The following RFX3 variants were observed in gnomAD, a reference collection of about 807,000 sequenced individuals.
RFX3 encodes the protein regulatory factor X3.
A neutral mutation model predicts 98.6 loss-of-function variants in RFX3; 14 were observed. That is an observed-to-expected ratio of 0.14 (90% CI 0.09 to 0.22). The LOEUF (loss-of-function observed/expected upper bound fraction) is 0.22, where lower values mean the gene tolerates loss of function less well. Among genes scored for constraint, RFX3 ranks in the 10% least tolerant of loss-of-function variants. The pLI is 1.00. For synonymous variants in RFX3, 383 were observed against 328.4 expected, an observed-to-expected ratio of 1.17 and a Z score of -1.80; for missense variants, 639 against 926.9, an observed-to-expected ratio of 0.69 and a Z score of 4.03.
intron 1 of RFX3, among the ~76,000 whole-genome samples, chr9:3,425,863 A>G (rs1843967650): frequency 6.6e-6 from 1 of 152,186 alleles, no homozygotes; most frequent in Non-Finnish European, 1.5e-5. Flanking sequence ...ATCAGATTGA[A>G]TAAATTTCAC....
intron 1 of RFX3, chr9:3,420,796 A>T: frequency 5.1e-6 from 5 of 985,184 alleles, no homozygotes; most frequent in Non-Finnish European, 6.0e-6. Flanking sequence ...ACCTCCATTC[A>T]TTCCTGGTTC....
At chr9:3,366,682 C>G (rs7853199) in intron 2 of RFX3, among the ~76,000 whole-genome samples, 1 of 69,970 alleles carries the variant, frequency 1.4e-5, no homozygotes, top group Admixed American at 1.4e-4. Flanking sequence ...CTCTTTCTTT[C>G]TTCTTTCTTT....
chr9:3,405,887 G>C (rs929695563), intron 1 of RFX3, among the ~76,000 whole-genome samples: 5 of 152,044 alleles, frequency 3.3e-5, no homozygotes, highest in Non-Finnish European at 7.4e-5. Context: ...GTCTCCCCAA[G>C]TTTATATACA....
chr9:3,237,504 G>C (rs895122770), intron 15 of RFX3, among the ~76,000 whole-genome samples: 2 of 152,104 alleles, frequency 1.3e-5, no homozygotes, highest in African/African-American at 2.4e-5. Context: ...AGTCAATGCA[G>C]AATTGGTATT....
At chr9:3,496,865 G>A (rs1851140939) in intron 1 of RFX3, among the ~76,000 whole-genome samples, 1 of 151,958 alleles carries the variant, frequency 6.6e-6, no homozygotes, top group South Asian at 2.1e-4. Context: ...GTAAGTTAAA[G>A]ATACTTGTGT....
At chr9:3,270,923 C>G in intron 10 of RFX3, 80 bp downstream of exon 10, 1 of 1,596,008 alleles carries the variant, frequency 6.3e-7, no homozygotes, top group Admixed American at 1.7e-5. Context: ...AGGTTCACAA[C>G]TGGTATACAT....
At chr9:3,503,762 A>G (rs901624061) in intron 1 of RFX3, among the ~76,000 whole-genome samples, 10 of 152,122 alleles carry the variant, frequency 6.6e-5, no homozygotes, top group Non-Finnish European at 1.0e-4. Flanking sequence ...AAAGATGACT[A>G]GATGATAGCT....
chr9:3,263,866 C>T (rs1268220511), intron 12 of RFX3, among the ~76,000 whole-genome samples: 2 of 152,134 alleles, frequency 1.3e-5, no homozygotes, highest in South Asian at 2.1e-4. Flanking sequence ...GAAGAAAGAG[C>T]GGTTACCAGG....
intron 1 of RFX3, among the ~76,000 whole-genome samples, chr9:3,523,354 C>T (rs1818910684): frequency 6.6e-6 from 1 of 152,092 alleles, no homozygotes; most frequent in African/African-American, 2.4e-5. Flanking sequence ...AGTATCTATC[C>T]TTGTGTTTAA....
intron 4 of RFX3, among the ~76,000 whole-genome samples, chr9:3,318,210 A>G (rs1830854705): frequency 6.6e-6 from 1 of 152,212 alleles, no homozygotes; most frequent in African/African-American, 2.4e-5. Flanking sequence ...GGATGAGTTC[A>G]TGTCCTTTGT....
At chr9:3,507,987 T>C (rs1048956391) in intron 1 of RFX3, among the ~76,000 whole-genome samples, 4 of 151,894 alleles carry the variant, frequency 2.6e-5, no homozygotes, top group Non-Finnish European at 5.9e-5. Flanking sequence ...CTGTGGTTGT[T>C]CTGTGGGACA....
At chr9:3,521,229 T>A (rs1157354987) in intron 1 of RFX3, among the ~76,000 whole-genome samples, 1 of 152,162 alleles carries the variant, frequency 6.6e-6, no homozygotes, top group Non-Finnish European at 1.5e-5. Context: ...AAGATTAAAA[T>A]ATCTACATAA....
intron 3 of RFX3, among the ~76,000 whole-genome samples, chr9:3,331,568 CTT>C (rs1048422743): frequency 5.0e-4 from 76 of 152,176 alleles, no homozygotes; most frequent in African/African-American, 1.8e-3. Flanking sequence ...TCAGATCTGT[CTT>C]ATATATATCT....
At chr9:3,260,352 C>G (rs1822709175) in intron 13 of RFX3, among the ~76,000 whole-genome samples, 1 of 151,904 alleles carries the variant, frequency 6.6e-6, no homozygotes, top group Admixed American at 6.6e-5. Context: ...AGACATATCA[C>G]TGATCATTAA....
rs1336753152 is a variant in RFX3, at chr9:3,221,544, A to C, written c.*3498T>G. 1 of 152,194 alleles carries C rather than the reference A, an allele frequency of 6.6e-6. No homozygotes were observed. The highest frequency in any genetic ancestry group is 1.5e-5 in the Non-Finnish European group (1 of 68,016). The allele number at this position is 152,194 out of a possible 1,614,324, so 9.4% of individuals were successfully genotyped here. A position where few individuals can be genotyped will look rare whatever the true frequency, so the allele number is the denominator to read the frequency against. ...AACCGTGCTATACAGTACAAGAAAA[A>C]TCACACAAAGGAAAGCAGATTTCTG... On this transcript the variant is annotated 3_prime_UTR_variant, in exon 17 of 17. Coordinates refer to ENST00000617270, the MANE Select transcript of RFX3 (RefSeq NM_001282116.2).
chr9:3,288,157 T>C lies in RFX3; in HGVS notation c.825A>G (p.Arg275=). Residue 275 remains arginine, a synonymous_variant, in exon 7 of 17, where the codon AGA becomes AGG. Transcript: ENST00000617270. ...TTTGTTTCTGTTGCATGGGTTGTTGTCTCATAGCCATATACTGCATGTCTT... is the reference window on the plus strand; with the variant it reads ...TTTGTTTCTGTTGCATGGGTTGTTGCCTCATAGCCATATACTGCATGTCTT... The part of the protein sequence containing the change: ...LQEDMQYMAM[R]QQPMQQKQRY... The C allele has an allele frequency of 6.2e-7, 1 of 1,612,926 alleles. No homozygotes were observed. Among genetic ancestry groups the C allele is most frequent in the East Asian group, 2.2e-5 (1 of 44,802 alleles).
chr9:3,397,081 T>C (rs1047484920), intron 1 of RFX3, among the ~76,000 whole-genome samples: 1 of 152,226 alleles, frequency 6.6e-6, no homozygotes, highest in Non-Finnish European at 1.5e-5. Context: ...ATCATGTAAA[T>C]GAGATTTGTA....
At chr9:3,245,227 T>G (rs1050683547) in intron 15 of RFX3, among the ~76,000 whole-genome samples, 5 of 152,218 alleles carry the variant, frequency 3.3e-5, no homozygotes, top group African/African-American at 1.2e-4. Flanking sequence ...CCTGAGAAAC[T>G]GATTTTTACA....
chr9:3,360,804 T>C (rs1173238735), intron 2 of RFX3, among the ~76,000 whole-genome samples: 1 of 152,190 alleles, frequency 6.6e-6, no homozygotes, highest in Non-Finnish European at 1.5e-5. Flanking sequence ...GACAAATTTA[T>C]ACAATATGTT....
Sources: gnomAD v4.1 joint callset for allele counts (sites outside exome capture counted in the v4.1 genomes callset) on GRCh38, gnomAD v4.1.1 for gene constraint, MANE v1.5 for transcripts, NCBI Gene and HGNC (gene_info 2026-07-23, HGNC 2026-07-21) for gene names.